The following HIBADH variants were observed in gnomAD, a reference collection of about 807,000 sequenced individuals.
The protein encoded by HIBADH is 3-hydroxyisobutyrate dehydrogenase, also known as 3-hydroxyisobutyrate dehydrogenase, mitochondrial.
A neutral mutation model predicts 36.1 loss-of-function variants in HIBADH; 25 were observed. That is an observed-to-expected ratio of 0.69 (90% confidence interval 0.50 to 0.97). HIBADH has a LOEUF of 0.97. HIBADH is among the 50% of genes least tolerant of loss of function. HIBADH has a pLI of 0.00. For missense variants in HIBADH, 421 were observed against 418.0 expected, an observed-to-expected ratio of 1.01 and a Z score of -0.06; for synonymous variants, 160 against 149.5, an observed-to-expected ratio of 1.07 and a Z score of -0.51.
intron 4 of HIBADH, among the ~76,000 whole-genome samples, chr7:27,597,169 G>A (rs1785045908): frequency 6.6e-6 from 1 of 151,934 alleles, no homozygotes; most frequent in Admixed American, 6.6e-5. Flanking sequence ...AAACCTGATG[G>A]CCCTATAATT....
intron 2 of HIBADH, among the ~76,000 whole-genome samples, chr7:27,647,444 A>G (rs376781151): frequency 3.3e-5 from 5 of 152,350 alleles, no homozygotes; most frequent in Admixed American, 1.3e-4. Flanking sequence ...GAACCACTAT[A>G]TAACATTAGG....
intron 4 of HIBADH, among the ~76,000 whole-genome samples, chr7:27,588,541 T>C (rs77998357): frequency 6.6e-6 from 1 of 151,552 alleles, no homozygotes. Flanking sequence ...GTGTTGCCCA[T>C]GCTGTTCTCT....
At position 27,661,236 on chromosome 7, in the gene HIBADH, G is replaced by T. The variant is rs1786410559; in HGVS notation, c.91+1462C>A. On this transcript the variant is annotated intron_variant, in intron 1 of 7. Coordinates refer to ENST00000265395, the MANE Select transcript of HIBADH (RefSeq NM_152740.4). ...CTCACCGAGCCTCTGTTCTTCTCCA[G>T]CCAGAAAGGAAATTCAGAGGTTTCA... is the stretch of plus-strand genomic sequence containing the variant. 2.0e-5 allele frequency among the ~76,000 whole-genome samples: 3 copies of T among 152,222 alleles called. No homozygotes were observed. The South Asian group carries it at 6.2e-4, about 32-fold the overall frequency.
At chr7:27,531,432 C>CTTCTCTCTCCATTTATT in intron 6 of HIBADH, 84 bp from the exon 7 acceptor site, 1 of 1,182,272 alleles carries the variant, frequency 8.5e-7, no homozygotes, top group Non-Finnish European at 1.2e-6. Flanking sequence ...GATGCTCCAT[C>CTTCTCTCTCCATTTATT]TTCTCTCTCC....
intron 4 of HIBADH, among the ~76,000 whole-genome samples, chr7:27,602,267 C>T (rs1159305303): frequency 1.3e-5 from 2 of 151,850 alleles, no homozygotes; most frequent in African/African-American, 2.4e-5. Context: ...TAAACTGACA[C>T]ACAAAAGGTA....
intron 4 of HIBADH, among the ~76,000 whole-genome samples, chr7:27,568,974 G>A (rs1784587667): frequency 6.9e-6 from 1 of 145,400 alleles, no homozygotes; most frequent in African/African-American, 2.6e-5. Flanking sequence ...TGGCACAAAT[G>A]TTAGATATTT....
At chr7:27,536,437 TGAAA>T (rs1292326095) in intron 6 of HIBADH, among the ~76,000 whole-genome samples, 2 of 152,066 alleles carry the variant, frequency 1.3e-5, no homozygotes, top group Non-Finnish European at 2.9e-5. Context: ...TTTAGAAAAA[TGAAA>T]GATTTAAAAG....
chr7:27,633,650 G>A (rs771444689), intron 2 of HIBADH, among the ~76,000 whole-genome samples: 2 of 151,926 alleles, frequency 1.3e-5, no homozygotes, highest in African/African-American at 2.4e-5. Context: ...GCAACAGAGC[G>A]AGACCTGTCT....
intron 1 of HIBADH, among the ~76,000 whole-genome samples, chr7:27,654,169 C>T (rs1786251717): frequency 6.6e-6 from 1 of 151,910 alleles, no homozygotes; most frequent in African/African-American, 2.4e-5. Flanking sequence ...CTTGAAGATA[C>T]AGCAATAGAA....
At chr7:27,527,968 G>A (rs1424752737) in intron 7 of HIBADH, among the ~76,000 whole-genome samples, 3 of 129,666 alleles carry the variant, frequency 2.3e-5, no homozygotes, top group Non-Finnish European at 3.1e-5. Context: ...TCACCATGTT[G>A]GCCAGGCTGG....
At chr7:27,598,575 G>A (rs143418589) in intron 4 of HIBADH, among the ~76,000 whole-genome samples, 60 of 152,164 alleles carry the variant, frequency 3.9e-4, no homozygotes, top group Non-Finnish European at 6.6e-4. Flanking sequence ...AAACTGAAAC[G>A]AACAGTAATC....
chr7:27,654,297 G>T (rs1786254263), intron 1 of HIBADH, among the ~76,000 whole-genome samples: 1 of 152,068 alleles, frequency 6.6e-6, no homozygotes. Context: ...TGAGAAGAGA[G>T]AAGTGGGGCA....
chr7:27,531,335 G>A lies in HIBADH; in HGVS notation c.709C>T (p.Pro237Ser). Residue 237 changes from proline to serine, a missense_variant, in exon 7 of 8, where the codon CCA (proline) becomes TCA (serine). Pro to Ser is a moderately conservative substitution (Grantham distance 74, BLOSUM62 -1). Coordinates refer to ENST00000265395, the MANE Select transcript of HIBADH (RefSeq NM_152740.4). ...TTTAGGATTTTAGCCAGTAGTTTTG[G>A]GTCAAGCCCTAACCTGTCAAAGGTC... ...MNLGIRLGLD[P>S]KLLAKILNMS... 6.2e-7 allele frequency: 1 copy of A among 1,612,302 alleles called. No homozygotes were observed.
intron 4 of HIBADH, among the ~76,000 whole-genome samples, chr7:27,625,294 T>C (rs985252558): frequency 2.0e-5 from 3 of 152,122 alleles, no homozygotes; most frequent in African/African-American, 7.2e-5. Context: ...AGGTGCCCTT[T>C]CTAATTCTCA....
chr7:27,587,787 GA>G (rs1484341050), intron 4 of HIBADH, among the ~76,000 whole-genome samples: 1 of 152,104 alleles, frequency 6.6e-6, no homozygotes, highest in Non-Finnish European at 1.5e-5. Context: ...AGACAACTGA[GA>G]AAAAATTCCA....
chr7:27,583,389 C>A (rs1784819382), intron 4 of HIBADH, among the ~76,000 whole-genome samples: 1 of 151,992 alleles, frequency 6.6e-6, no homozygotes, highest in African/African-American at 2.4e-5. Context: ...CACCAAAAGC[C>A]AGAAGGAAAC....
intron 4 of HIBADH, among the ~76,000 whole-genome samples, chr7:27,582,206 A>G (rs1013454246): frequency 1.3e-5 from 2 of 152,132 alleles, no homozygotes; most frequent in African/African-American, 4.8e-5. Context: ...TTATACAATA[A>G]GCTCTGAAAT....
intron 4 of HIBADH, among the ~76,000 whole-genome samples, chr7:27,560,770 A>C (rs969724438): frequency 1.3e-5 from 2 of 152,202 alleles, no homozygotes; most frequent in African/African-American, 4.8e-5. Context: ...GGTTACTATG[A>C]GTACTGCTGC....
chr7:27,620,176 G>A (rs962407530), intron 4 of HIBADH, among the ~76,000 whole-genome samples: 1 of 151,898 alleles, frequency 6.6e-6, no homozygotes, highest in Non-Finnish European at 1.5e-5. Context: ...AAATTAGCTG[G>A]GCATTGTGAT....
Sources: allele counts gnomAD v4.1 joint callset (sites outside exome capture counted in the v4.1 genomes callset), GRCh38; gene constraint gnomAD v4.1.1; transcripts MANE v1.5; gene names NCBI Gene and HGNC (gene_info 2026-07-23, HGNC 2026-07-21).